Variants in LPCAT1 observed in about 807,000 individuals in gnomAD.
LPCAT1 encodes the protein 1-acylglycerol-3-phosphate O-acyltransferase.
LPCAT1 carries 23 observed loss-of-function variants against 60.9 expected under a neutral mutation model. That is an observed-to-expected ratio of 0.38 (90% CI 0.27 to 0.53). LPCAT1 has a LOEUF of 0.53. Ranked by LOEUF, LPCAT1 falls within the 20% of genes least tolerant of loss-of-function variation. LPCAT1 has a pLI of 0.82. For synonymous variants in LPCAT1, 340 were observed against 301.1 expected, an observed-to-expected ratio of 1.13 and a Z score of -1.34; for missense variants, 622 against 723.6, an observed-to-expected ratio of 0.86 and a Z score of 1.61.
chr5:1,507,055 T>G (rs1736208114), intron 1 of LPCAT1, among the ~76,000 whole-genome samples: 1 of 151,964 alleles, frequency 6.6e-6, no homozygotes, highest in Non-Finnish European at 1.5e-5. Context: ...TGGGCAGATG[T>G]GGGGAGCGGG....
rs1735228665 is a variant in LPCAT1, at chr5:1,483,214, A to G, written c.726+214T>C. ...GGGTTGATCAGGGACACGTGCATAG[A>G]ACAGGCCGCACTCAGGAACGTGCCG... On this transcript the variant is annotated intron_variant, in intron 6 of 13. Transcript: ENST00000283415. This position sits in a 1 kb window ranked among gnomAD's most constrained non-coding sequence, Gnocchi z 9.2. 6.6e-6 allele frequency among the ~76,000 whole-genome samples: 1 copy of G among 152,144 alleles called. No individual in the cohort carries two copies. Among genetic ancestry groups the G allele is most frequent in the Non-Finnish European group, 1.5e-5 (1 of 68,020 alleles).
At position 1,491,423 on chromosome 5, in the gene LPCAT1, A is replaced by C. The variant is rs565128112; in HGVS notation, c.494-1565T>G. 4.7e-5 allele frequency among the ~76,000 whole-genome samples: 7 copies of C among 148,740 alleles called. No homozygotes were observed. In the Admixed American group the frequency reaches 4.7e-4, roughly 10 times the overall value. On this transcript the variant is annotated intron_variant, in intron 3 of 13. Coordinates refer to ENST00000283415, the MANE Select transcript of LPCAT1 (RefSeq NM_024830.5). ...TTGTGAACAGAGTAGAGATTTCAGAAGTTGTCTATAACGGCAAAGAACAGA... is the reference window on the plus strand; with the variant it reads ...TTGTGAACAGAGTAGAGATTTCAGACGTTGTCTATAACGGCAAAGAACAGA...
chr5:1,499,683 G>A (rs566690494), intron 2 of LPCAT1, among the ~76,000 whole-genome samples: 11 of 152,124 alleles, frequency 7.2e-5, no homozygotes, highest in South Asian at 2.1e-4. Flanking sequence ...GCTGCTCAAC[G>A]TCCACCCACT....
intron 1 of LPCAT1, among the ~76,000 whole-genome samples, chr5:1,508,768 T>C (rs1736262299): frequency 6.6e-6 from 1 of 152,222 alleles, no homozygotes; most frequent in African/African-American, 2.4e-5. Context: ...CCTGGAACTC[T>C]CTGGAAGTCT....
chr5:1,501,936 G>T (rs1022500403), intron 1 of LPCAT1, among the ~76,000 whole-genome samples: 17 of 151,222 alleles, frequency 1.1e-4, no homozygotes, highest in Non-Finnish European at 2.2e-4. Context: ...AACACTGACC[G>T]ACACTGACCA....
rs1187051185 is a variant in LPCAT1 at position 1,477,155 on chromosome 5, G to A, written c.899+249C>T. ...AAACATAGGACCTGGGGTGACCAACGGCTGCAGGCAGGTCTGGAAGAACCA... is the reference window on the plus strand; with the variant it reads ...AAACATAGGACCTGGGGTGACCAACAGCTGCAGGCAGGTCTGGAAGAACCA... On this transcript the variant is annotated intron_variant, in intron 9 of 13. Coordinates refer to ENST00000283415, the MANE Select transcript of LPCAT1 (RefSeq NM_024830.5). The surrounding 1 kb of genome is among the most constrained non-coding windows in gnomAD (Gnocchi z 6.0). Among the ~76,000 whole-genome samples the A allele has an allele frequency of 1.7e-4, 26 of 152,216 alleles. No homozygotes were observed. The highest frequency in any genetic ancestry group is 1.6e-3 in the Admixed American group (25 of 15,284).
In LPCAT1 at chr5:1,463,579, G is replaced by C. The variant is rs577400504; in HGVS notation, c.*72C>G. ...GCAGGAGTGAGGAGCGGAGCCCAGA[G>C]GTCACTCGCAAAGAGGCTCATGGCG... On this transcript the variant is annotated 3_prime_UTR_variant, in exon 14 of 14. Coordinates refer to ENST00000283415, the MANE Select transcript of LPCAT1 (RefSeq NM_024830.5). The C allele has an allele frequency of 2.4e-4, 368 of 1,528,474 alleles. No individual in the cohort carries two copies. In the Middle Eastern group the frequency reaches 3.8e-3, roughly 16 times the overall value. The allele number at this position is 1,528,474 out of a possible 1,614,324, so 94.7% of individuals were successfully genotyped here.
rs1292747599 is a variant in LPCAT1 at position 1,476,254 on chromosome 5, C to T, written c.899+1150G>A. On this transcript the variant is annotated intron_variant, in intron 9 of 13. Transcript: ENST00000283415. The surrounding 1 kb of genome is among the most constrained non-coding windows in gnomAD (Gnocchi z 8.6). Reference sequence around the variant, plus strand: ...GGTGCTGGGCTTGGAGGTGGGAATGCATTCCCCTGGCTCGGCGCCTACTCA... The same window carrying T: ...GGTGCTGGGCTTGGAGGTGGGAATGTATTCCCCTGGCTCGGCGCCTACTCA... 1.3e-5 allele frequency among the ~76,000 whole-genome samples: 2 copies of T among 152,160 alleles called. No homozygotes were observed. The highest frequency in any genetic ancestry group is 2.4e-5 in the African/African-American group (1 of 41,440).
At position 1,489,867 on chromosome 5, in the gene LPCAT1, G is replaced by C; in HGVS notation, c.494-9C>G. 4 of 1,583,864 alleles carry C rather than the reference G, an allele frequency of 2.5e-6. No individual in the cohort carries two copies. The highest frequency in any genetic ancestry group is 2.6e-6 in the Non-Finnish European group (3 of 1,152,496). ...TATATACTGGATCAGAGCTGGAAGA[G>C]AGGAGGGGAGACGGATCACGTGGAA... On this transcript the variant is annotated splice_polypyrimidine_tract_variant and intron_variant, in intron 3 of 13. Transcript: ENST00000283415.
intron 2 of LPCAT1, among the ~76,000 whole-genome samples, chr5:1,499,090 G>A (rs145382274): frequency 5.9e-5 from 9 of 152,316 alleles, no homozygotes; most frequent in East Asian, 1.9e-4. Flanking sequence ...ATATGAAAGC[G>A]TCTCTGAAGT....
In LPCAT1 at chr5:1,470,074, TGA is replaced by T. The variant is rs1267167877; in HGVS notation, c.1278+750_1278+751del. Among the ~76,000 whole-genome samples the T allele has an allele frequency of 2.0e-5, 3 of 152,232 alleles. No individual in the cohort carries two copies. The East Asian group carries it at 5.8e-4, about 29-fold the overall frequency. ...CAAGAGAAGGGAGTTCTTGGAGCGG[TGA>T]GAGACATGCAGCTTCTTGACTCACA... On this transcript the variant is annotated intron_variant, in intron 12 of 13. Coordinates refer to ENST00000283415, the MANE Select transcript of LPCAT1 (RefSeq NM_024830.5).
chr5:1,470,844 G>C lies in LPCAT1; in HGVS notation c.1260C>G (p.Thr420=), dbSNP rs1415270464. 6.2e-7 allele frequency: 1 copy of C among 1,613,704 alleles called. No homozygotes were observed. Among genetic ancestry groups the C allele is most frequent in the Non-Finnish European group, 8.5e-7 (1 of 1,179,962 alleles). Residue 420 remains threonine, a synonymous_variant, in exon 12 of 14, where the codon ACC becomes ACG. Coordinates refer to ENST00000283415, the MANE Select transcript of LPCAT1 (RefSeq NM_024830.5). ...CACTCACCTTGAAAGCCAGCTGGAT[G>C]GTGTCCAGGGTCCGGGCCGGCCGGC... ...VVCRPARTLD[T]IQLAFKMYGA... is the part of the protein sequence containing the mutation.
At chr5:1,473,371 C>A (rs1042290160) in intron 11 of LPCAT1, among the ~76,000 whole-genome samples, 2 of 152,290 alleles carry the variant, frequency 1.3e-5, no homozygotes, top group Non-Finnish European at 2.9e-5. Flanking sequence ...CCGTGGCAGC[C>A]TGTCCCGCCC....
intron 3 of LPCAT1, 69 bp downstream of exon 3, chr5:1,494,631 A>T: frequency 1.4e-6 from 2 of 1,423,084 alleles, no homozygotes; most frequent in Non-Finnish European, 2.0e-6. Flanking sequence ...TCTTATTCTC[A>T]GCAGCAGGGG....
intron 1 of LPCAT1, among the ~76,000 whole-genome samples, chr5:1,517,040 A>G (rs893983913): frequency 6.6e-6 from 1 of 152,256 alleles, no homozygotes; most frequent in Admixed American, 6.5e-5. Context: ...CAGTGATCAC[A>G]TTAGAAAATA....
Position 1,523,777 on chromosome 5 carries a change from A to T in LPCAT1, c.68T>A (p.Leu23Gln). The change falls in exon 1 of 14, where the codon CTG becomes CAG. Residue 23 changes from leucine to glutamine, a missense_variant. Transcript: ENST00000283415. This position sits in a 1 kb window ranked among gnomAD's most constrained non-coding sequence, Gnocchi z 7.1. ...GGGGTTCCGCCCCGGGGGCGCCAGC[A>T]GCCGAGCGTCGCTGGCCCCTGCGCT... is the stretch of plus-strand genomic sequence containing the variant. ...ASSAGASDAR[L>Q]LAPPGRNPFV... is the part of the protein sequence containing the mutation. The T allele has an allele frequency of 3.5e-6, 4 of 1,149,844 alleles. No individual in the cohort carries two copies. The highest frequency in any genetic ancestry group is 4.3e-6 in the Non-Finnish European group (4 of 932,774). The allele number at this position is 1,149,844 out of a possible 1,614,324, so 71.2% of individuals were successfully genotyped here. A position where few individuals can be genotyped will look rare whatever the true frequency, so the allele number is the denominator to read the frequency against.
In LPCAT1 at chr5:1,474,704, C is replaced by T. The variant is rs978412531; in HGVS notation, c.900-19G>A. On this transcript the variant is annotated intron_variant, in intron 9 of 13. Coordinates refer to ENST00000283415, the MANE Select transcript of LPCAT1 (RefSeq NM_024830.5). ...CAAGGCCCTACAAGGAGGGCAGCAC[C>T]CCCGTCAGCCCAGCCTCGTGGCAGC... The T allele has an allele frequency of 3.7e-6, 6 of 1,607,250 alleles. No individual in the cohort carries two copies. Among genetic ancestry groups the T allele is most frequent in the Non-Finnish European group, 5.1e-6 (6 of 1,175,758 alleles).
Position 1,487,287 on chromosome 5 carries a change from C to T in LPCAT1, c.667+1104G>A, listed in dbSNP as rs1400980202. Among the ~76,000 whole-genome samples the T allele has an allele frequency of 3.3e-5, 5 of 152,338 alleles. No homozygotes were observed. The highest frequency in any genetic ancestry group is 6.5e-5 in the Admixed American group (1 of 15,312). On this transcript the variant is annotated intron_variant, in intron 5 of 13. Coordinates refer to ENST00000283415, the MANE Select transcript of LPCAT1 (RefSeq NM_024830.5). This position sits in a 1 kb window ranked among gnomAD's most constrained non-coding sequence, Gnocchi z 6.1. ...ACGGACCCAGTGTGGTGGGGGCACA[C>T]GGATTCGTGGTCACCGCGTGCCGCC...
chr5:1,477,325 GC>G lies in LPCAT1; in HGVS notation c.899+78del. 8.6e-7 allele frequency: 1 copy of G among 1,163,464 alleles called. No homozygotes were observed. The highest frequency in any genetic ancestry group is 1.3e-6 in the Non-Finnish European group (1 of 792,952). The allele number at this position is 1,163,464 out of a possible 1,614,324, so 72.1% of individuals were successfully genotyped here. A position where few individuals can be genotyped will look rare whatever the true frequency, so the allele number is the denominator to read the frequency against. On this transcript the variant is annotated intron_variant, in intron 9 of 13. Transcript: ENST00000283415. The surrounding 1 kb of genome is among the most constrained non-coding windows in gnomAD (Gnocchi z 6.0). ...AAGAATGCCTTTTCCTAACGCTGTT[GC>G]CTATTTTAAATATACAGAGAGCAGC...
Sources: gnomAD v4.1 joint callset for allele counts (sites outside exome capture counted in the v4.1 genomes callset) on GRCh38, gnomAD v4.1.1 for gene constraint, Gnocchi (gnomAD v3.1) non-coding constraint, MANE v1.5 for transcripts, NCBI Gene and HGNC (gene_info 2026-07-23, HGNC 2026-07-21) for gene names.